The following MICU1 variants were observed in gnomAD, a reference collection of about 807,000 sequenced individuals.
MICU1 encodes mitochondrial calcium uptake 1.
MICU1 carries 45 observed loss-of-function variants against 56.8 expected under a neutral mutation model. The ratio of observed to expected loss-of-function variants is 0.79; its 90% CI spans 0.62 to 1.02. MICU1 has a LOEUF of 1.02. MICU1 is among the 50% of genes least tolerant of loss of function. MICU1 has a pLI of 0.00. For missense variants in MICU1, 504 were observed against 587.1 expected (o/e 0.86, Z 1.46); for synonymous variants, 186 against 195.1 (o/e 0.95, Z 0.39).
At chr10:72,436,270 A>G (rs1168300561) in intron 8 of MICU1, among the ~76,000 whole-genome samples, 1 of 152,228 alleles carries the variant, frequency 6.6e-6, no homozygotes, top group Admixed American at 6.5e-5. Context: ...CCAGGCAAAC[A>G]GGGTCTGGAG....
At chr10:72,493,469 T>C (rs778899271) in intron 6 of MICU1, among the ~76,000 whole-genome samples, 3 of 152,220 alleles carry the variant, frequency 2.0e-5, no homozygotes, top group Admixed American at 6.5e-5. Flanking sequence ...TATTATTTTA[T>C]TGAAACAGGG....
At chr10:72,538,550 A>G (rs1165189511) in intron 4 of MICU1, among the ~76,000 whole-genome samples, 1 of 152,130 alleles carries the variant, frequency 6.6e-6, no homozygotes, top group Non-Finnish European at 1.5e-5. Context: ...GTTTTTTGTA[A>G]GCCTCACGGT....
At chr10:72,388,090 A>G (rs1424633497) in intron 10 of MICU1, among the ~76,000 whole-genome samples, 1 of 152,166 alleles carries the variant, frequency 6.6e-6, no homozygotes, top group Admixed American at 6.5e-5. Context: ...GGGGACTCAA[A>G]CTCAGGTTTG....
chr10:72,502,164 T>G lies in MICU1; in HGVS notation c.652+5991A>C, dbSNP rs58596955. Among the ~76,000 whole-genome samples the G allele has an allele frequency of 3.1e-4, 30 of 97,790 alleles. 1 individual carries two copies. The highest frequency in any genetic ancestry group is 2.0e-3 in the Admixed American group (19 of 9,610). 64.2% of individuals were successfully genotyped at this position (97,790 alleles called of 152,430 possible). On this transcript the variant is annotated intron_variant, in intron 6 of 11. Transcript: ENST00000361114. ...TTTTGCTGTTTTTTTTTTTGTTTTT[T>G]TTTTTTTTTTGAGTCAGTCTCGCTC... is the stretch of plus-strand genomic sequence containing the variant.
intron 5 of MICU1, among the ~76,000 whole-genome samples, chr10:72,531,113 T>G (rs1775431873): frequency 6.6e-6 from 1 of 152,128 alleles, no homozygotes; most frequent in South Asian, 2.1e-4. Flanking sequence ...GTGCTAAAAG[T>G]TAAGATAATG....
chr10:72,387,736 C>T (rs1392226628), intron 10 of MICU1, among the ~76,000 whole-genome samples: 4 of 78,488 alleles, frequency 5.1e-5, no homozygotes, highest in Admixed American at 3.2e-4. Context: ...GCAGTAGATT[C>T]CACTTCCTCA....
At chr10:72,608,122 G>A (rs1564510584) in intron 1 of MICU1, among the ~76,000 whole-genome samples, 1 of 152,068 alleles carries the variant, frequency 6.6e-6, no homozygotes, top group East Asian at 1.9e-4. Context: ...AAGCTGGAGT[G>A]CAGTGGTGTG....
chr10:72,500,304 T>A (rs7093640), intron 6 of MICU1, among the ~76,000 whole-genome samples: 285 of 7,370 alleles, frequency 0.039, no homozygotes, highest in Admixed American at 0.054. Flanking sequence ...ATATATATAT[T>A]TTTTTTTTTT....
intron 6 of MICU1, among the ~76,000 whole-genome samples, chr10:72,487,527 A>G (rs1462495278): frequency 6.6e-6 from 1 of 152,134 alleles, no homozygotes; most frequent in African/African-American, 2.4e-5. Flanking sequence ...GTCAAGCCGA[A>G]GACCAGTGGG....
intron 8 of MICU1, among the ~76,000 whole-genome samples, chr10:72,431,111 T>TCTATCTATCTAC (rs1564863707): frequency 1.3e-5 from 2 of 151,312 alleles, no homozygotes; most frequent in African/African-American, 4.9e-5. Flanking sequence ...TATCTATCTA[T>TCTATCTATCTAC]CTATCTATCT....
chr10:72,504,802 T>C (rs1020530942), intron 6 of MICU1, among the ~76,000 whole-genome samples: 1 of 151,838 alleles, frequency 6.6e-6, no homozygotes, highest in African/African-American at 2.4e-5. Flanking sequence ...AATAACCTCA[T>C]TAAAAGTGGG....
chr10:72,500,272 A>ATATATATATT (rs1564904387), intron 6 of MICU1, among the ~76,000 whole-genome samples: 3 of 9,320 alleles, frequency 3.2e-4, no homozygotes, highest in African/African-American at 6.7e-4. Context: ...ATATATATAT[A>ATATATATATT]TATATATATA....
chr10:72,448,745 C>T (rs1481534379), intron 8 of MICU1, among the ~76,000 whole-genome samples: 4 of 151,842 alleles, frequency 2.6e-5, no homozygotes, highest in African/African-American at 4.8e-5. Flanking sequence ...TGTCATTCTC[C>T]TTTCATAAAG....
At chr10:72,409,577 G>A (rs2132107606) in intron 9 of MICU1, among the ~76,000 whole-genome samples, 1 of 152,296 alleles carries the variant, frequency 6.6e-6, no homozygotes, top group South Asian at 2.1e-4. Flanking sequence ...TATAGTACCA[G>A]CTATTTGGGA....
chr10:72,616,112 C>A lies in MICU1; in HGVS notation c.-2+9898G>T, dbSNP rs563426375. On this transcript the variant is annotated intron_variant, in intron 1 of 11. Transcript: ENST00000361114. Reference sequence around the variant, plus strand: ...TCTTTACTAATTCTATCATCTGTGTCACTTCTGTTTTGGTTTCTAATTTTC... The same window carrying A: ...TCTTTACTAATTCTATCATCTGTGTAACTTCTGTTTTGGTTTCTAATTTTC... Among the ~76,000 whole-genome samples the A allele has an allele frequency of 6.6e-5, 10 of 152,290 alleles. No homozygotes were observed. In the East Asian group the frequency reaches 1.9e-3, roughly 29 times the overall value.
At chr10:72,530,375 G>A (rs1839445736) in intron 5 of MICU1, among the ~76,000 whole-genome samples, 1 of 77,520 alleles carries the variant, frequency 1.3e-5, no homozygotes, top group Non-Finnish European at 3.6e-5. Context: ...TAATAATAAT[G>A]CCAGAATATA....
At chr10:72,368,616 G>A (rs1251574429) in intron 11 of MICU1, among the ~76,000 whole-genome samples, 1 of 152,170 alleles carries the variant, frequency 6.6e-6, no homozygotes, top group Non-Finnish European at 1.5e-5. Context: ...TTTAGAACAA[G>A]GAGATAAATG....
chr10:72,466,976 C>T (rs1865811658), intron 8 of MICU1, among the ~76,000 whole-genome samples: 1 of 150,720 alleles, frequency 6.6e-6, no homozygotes, highest in Non-Finnish European at 1.5e-5. Flanking sequence ...TAACTTAATA[C>T]CTTCATTTTT....
At chr10:72,485,102 C>T (rs986696664) in intron 6 of MICU1, among the ~76,000 whole-genome samples, 2 of 151,408 alleles carry the variant, frequency 1.3e-5, no homozygotes, top group African/African-American at 4.9e-5. Context: ...AATTATTCAG[C>T]CAACAAGAAG....
Sources: allele counts gnomAD v4.1 joint callset (sites outside exome capture counted in the v4.1 genomes callset), GRCh38; gene constraint gnomAD v4.1.1; transcripts MANE v1.5; gene names NCBI Gene and HGNC (gene_info 2026-07-23, HGNC 2026-07-21).